Variants in EPHB1 observed in about 807,000 individuals in gnomAD.
The protein encoded by EPHB1 is ephrin type-B receptor 1.
In EPHB1, 30 loss-of-function variants were observed where a neutral mutation model predicts 94.4. The observed-to-expected ratio is 0.32, with a 90% CI of 0.24 to 0.43. The LOEUF (loss-of-function observed/expected upper bound fraction) is 0.43, where lower values mean the gene tolerates loss of function less well. Ranked by LOEUF, EPHB1 falls within the 20% of genes least tolerant of loss-of-function variation. The pLI is 1.00. For synonymous variants in EPHB1, 522 were observed against 489.1 expected, an observed-to-expected ratio of 1.07 and a Z score of -0.89; for missense variants, 1,055 against 1,308.3, an observed-to-expected ratio of 0.81 and a Z score of 2.99.
intron 9 of EPHB1, among the ~76,000 whole-genome samples, chr3:135,168,095 A>T (rs1411595256): frequency 6.6e-6 from 1 of 152,190 alleles, no homozygotes; most frequent in African/African-American, 2.4e-5. Context: ...CTTGTGTTCT[A>T]ATGCAGCCAA....
chr3:135,126,425 T>C (rs1023773161), intron 4 of EPHB1, among the ~76,000 whole-genome samples: 1 of 152,064 alleles, frequency 6.6e-6, no homozygotes, highest in African/African-American at 2.4e-5. Flanking sequence ...TCCTTTCCCA[T>C]AGGTCAGGGG....
At chr3:135,143,368 G>A (rs1482239538) in intron 5 of EPHB1, among the ~76,000 whole-genome samples, 3 of 152,164 alleles carry the variant, frequency 2.0e-5, no homozygotes, top group Admixed American at 6.5e-5. Flanking sequence ...AGGCCTGGAG[G>A]AGGATGGTCA....
chr3:135,030,832 G>A (rs950819090), intron 3 of EPHB1, among the ~76,000 whole-genome samples: 2 of 152,186 alleles, frequency 1.3e-5, no homozygotes, highest in African/African-American at 2.4e-5. Context: ...CCTCGCTGCC[G>A]CCTTGCAGTT....
At chr3:134,905,705 G>T (rs2038309625) in intron 1 of EPHB1, among the ~76,000 whole-genome samples, 1 of 152,206 alleles carries the variant, frequency 6.6e-6, no homozygotes, top group Admixed American at 6.5e-5. Flanking sequence ...GCCAAATCTG[G>T]ACTGACTCTT....
At chr3:134,870,283 A>G (rs568692033) in intron 1 of EPHB1, among the ~76,000 whole-genome samples, 1 of 152,266 alleles carries the variant, frequency 6.6e-6, no homozygotes, top group South Asian at 2.1e-4. Context: ...AGCAAGGAAG[A>G]CACCCCGGGC....
At chr3:135,191,153 A>C (rs1045476231) in intron 10 of EPHB1, among the ~76,000 whole-genome samples, 2 of 151,972 alleles carry the variant, frequency 1.3e-5, no homozygotes, top group Admixed American at 1.3e-4. Context: ...AAAAGGGAGG[A>C]AGGATGGAAG....
chr3:135,135,308 G>A (rs1320839964), intron 5 of EPHB1, among the ~76,000 whole-genome samples: 1 of 152,220 alleles, frequency 6.6e-6, no homozygotes, highest in South Asian at 2.1e-4. Context: ...GCTGTGGACT[G>A]AGGAACAGGG....
intron 5 of EPHB1, among the ~76,000 whole-genome samples, chr3:135,145,507 C>T (rs1278529341): frequency 6.6e-6 from 1 of 152,178 alleles, no homozygotes; most frequent in Non-Finnish European, 1.5e-5. Context: ...AATGGACTGG[C>T]TTCAAGGCCC....
intron 1 of EPHB1, among the ~76,000 whole-genome samples, chr3:134,862,909 A>G (rs1038124856): frequency 3.9e-5 from 6 of 152,196 alleles, no homozygotes; most frequent in Non-Finnish European, 1.5e-5. Flanking sequence ...CACGCCTGGA[A>G]TGTGTGCCAC....
At chr3:134,920,152 G>C (rs887209577) in intron 1 of EPHB1, among the ~76,000 whole-genome samples, 1 of 152,148 alleles carries the variant, frequency 6.6e-6, no homozygotes, top group Admixed American at 6.6e-5. Flanking sequence ...TCTATTCCCT[G>C]TTCGTCTCTG....
At chr3:134,929,685 G>A (rs1340989171) in intron 2 of EPHB1, among the ~76,000 whole-genome samples, 1 of 152,156 alleles carries the variant, frequency 6.6e-6, no homozygotes, top group African/African-American at 2.4e-5. Context: ...AAGAACAGAT[G>A]TGATGGCATG....
chr3:135,169,200 A>G (rs1284715258), intron 9 of EPHB1, among the ~76,000 whole-genome samples: 2 of 152,178 alleles, frequency 1.3e-5, no homozygotes, highest in Admixed American at 1.3e-4. Context: ...CCTGAGATCC[A>G]TAGAAAAACC....
intron 1 of EPHB1, among the ~76,000 whole-genome samples, chr3:134,815,562 C>T (rs2036254433): frequency 6.6e-6 from 1 of 152,128 alleles, no homozygotes; most frequent in South Asian, 2.1e-4. Flanking sequence ...ATTCATGCAA[C>T]TTTCTTGTGT....
intron 4 of EPHB1, among the ~76,000 whole-genome samples, chr3:135,124,014 T>C (rs181938286): frequency 6.6e-6 from 1 of 151,770 alleles, no homozygotes; most frequent in East Asian, 1.9e-4. Context: ...TACAGTAAAA[T>C]TCCTGGCAGG....
intron 1 of EPHB1, among the ~76,000 whole-genome samples, chr3:134,868,288 A>G (rs185536962): frequency 6.6e-6 from 1 of 152,314 alleles, no homozygotes; most frequent in Admixed American, 6.5e-5. Context: ...ACTTGTGCAT[A>G]AAGCTCAGCT....
chr3:134,953,156 AC>A (rs1160187650), intron 3 of EPHB1, among the ~76,000 whole-genome samples: 3 of 152,040 alleles, frequency 2.0e-5, no homozygotes, highest in South Asian at 2.1e-4. Context: ...TGTCACCCCC[AC>A]CCTGCCTGAG....
chr3:135,076,517 G>A (rs1393090272), intron 3 of EPHB1, among the ~76,000 whole-genome samples: 1 of 152,082 alleles, frequency 6.6e-6, no homozygotes, highest in African/African-American at 2.4e-5. Context: ...TTGTACAGCT[G>A]CTTTGGAAAA....
At chr3:135,009,554 T>C (rs1935548595) in intron 3 of EPHB1, among the ~76,000 whole-genome samples, 1 of 152,348 alleles carries the variant, frequency 6.6e-6, no homozygotes, top group East Asian at 1.9e-4. Context: ...CTTCTCCCAC[T>C]GCCAAAGCTG....
intron 13 of EPHB1, among the ~76,000 whole-genome samples, chr3:135,244,096 C>G (rs1482372986): frequency 1.3e-5 from 2 of 152,146 alleles, no homozygotes; most frequent in Non-Finnish European, 2.9e-5. Context: ...GCCCACTTCC[C>G]AGAGGCGTTC....
Sources: gnomAD v4.1 joint callset for allele counts (sites outside exome capture counted in the v4.1 genomes callset) on GRCh38, gnomAD v4.1.1 for gene constraint, MANE v1.5 for transcripts, NCBI Gene and HGNC (gene_info 2026-07-23, HGNC 2026-07-21) for gene names.